The following CACNA1B variants were observed in gnomAD, a reference collection of about 807,000 sequenced individuals.
The protein encoded by CACNA1B is voltage-dependent N-type calcium channel subunit alpha-1B.
In CACNA1B, 70 loss-of-function variants were observed where a neutral mutation model predicts 247.2. The observed-to-expected ratio is 0.28, with a 90% confidence interval of 0.23 to 0.35. The LOEUF (loss-of-function observed/expected upper bound fraction) is 0.35. CACNA1B is among the 10% of genes least tolerant of loss of function. The pLI is 1.00. For missense variants in CACNA1B, 2,367 were observed against 3,197.4 expected, an observed-to-expected ratio of 0.74 and a Z score of 6.26; for synonymous variants, 1,231 against 1,294.4, an observed-to-expected ratio of 0.95 and a Z score of 1.05.
At chr9:137,991,997 A>T (rs1564225702) in intron 15 of CACNA1B, among the ~76,000 whole-genome samples, 1 of 152,220 alleles carries the variant, frequency 6.6e-6, no homozygotes, top group Non-Finnish European at 1.5e-5. Flanking sequence ...CTTAAGACAC[A>T]AATCCAACAG....
In CACNA1B at chr9:138,072,811, G is replaced by T. The variant is rs1048767020; in HGVS notation, c.4675-677G>T. 4.3e-4 allele frequency among the ~76,000 whole-genome samples: 66 copies of T among 152,226 alleles called. 5 individuals are homozygous for T. The highest frequency in any genetic ancestry group is 2.9e-5 in the Non-Finnish European group (2 of 68,036). Reference sequence around the variant, plus strand: ...TTGATTTTGAGCCCCTTGGATGAGGGAGCTCCACTAGACAGCCTGGGCTCT... The same window carrying T: ...TTGATTTTGAGCCCCTTGGATGAGGTAGCTCCACTAGACAGCCTGGGCTCT... On this transcript the variant is annotated intron_variant, in intron 32 of 46. Coordinates refer to ENST00000371372, the MANE Select transcript of CACNA1B (RefSeq NM_000718.4). This position sits in a 1 kb window ranked among gnomAD's most constrained non-coding sequence, Gnocchi z 4.5.
Position 137,973,985 on chromosome 9 carries a change from G to A in CACNA1B, c.1544-1922G>A, listed in dbSNP as rs1958187537. Among the ~76,000 whole-genome samples, 2 of 152,228 alleles carry A rather than the reference G, an allele frequency of 1.3e-5. No homozygotes were observed. Among genetic ancestry groups the A allele is most frequent in the African/African-American group, 2.4e-5 (1 of 41,452 alleles). On this transcript the variant is annotated intron_variant, in intron 11 of 46. Coordinates refer to ENST00000371372, the MANE Select transcript of CACNA1B (RefSeq NM_000718.4). The surrounding 1 kb of genome is among the most constrained non-coding windows in gnomAD (Gnocchi z 4.1). ...TCCCAGATCTAGGGTGTGGGTGCCA[G>A]CAGTCCCATCTCTGGGGCCTCTCCT...
intron 13 of CACNA1B, among the ~76,000 whole-genome samples, chr9:137,985,017 C>A (rs1040623178): frequency 1.8e-4 from 28 of 152,328 alleles, no homozygotes; most frequent in African/African-American, 6.3e-4. Flanking sequence ...CTGGACCCTA[C>A]CAGACACACA....
intron 44 of CACNA1B, 99 bp from the exon 45 acceptor site, chr9:138,120,066 G>A: frequency 1.0e-6 from 1 of 998,498 alleles, no homozygotes; most frequent in Admixed American, 2.3e-5. Context: ...GGGGGCGTGT[G>A]GGCCTGCTGT....
intron 2 of CACNA1B, among the ~76,000 whole-genome samples, chr9:137,879,442 A>G (rs571761591): frequency 2.6e-5 from 4 of 152,324 alleles, no homozygotes; most frequent in African/African-American, 9.6e-5. Context: ...TTTCGGCGCT[A>G]GACTTTGATC....
At chr9:137,956,924 C>A in intron 9 of CACNA1B, 97 bp downstream of exon 9, 2 of 986,794 alleles carry the variant, frequency 2.0e-6, no homozygotes, top group Non-Finnish European at 3.2e-6. Context: ...GCGAAGTGCT[C>A]TTGGCAGTGC....
At chr9:137,967,866 C>A (rs988946322) in intron 10 of CACNA1B, among the ~76,000 whole-genome samples, 9 of 152,210 alleles carry the variant, frequency 5.9e-5, no homozygotes, top group Non-Finnish European at 1.3e-4. Context: ...TGATCTCCTG[C>A]ATCTGGAGCC....
chr9:137,969,970 CAT>C (rs1482795537), intron 10 of CACNA1B, among the ~76,000 whole-genome samples: 5 of 152,040 alleles, frequency 3.3e-5, no homozygotes, highest in African/African-American at 9.7e-5. Context: ...CATGTACACA[CAT>C]GTGTACAAAC....
chr9:138,096,099 G>A (rs537410249), intron 36 of CACNA1B, among the ~76,000 whole-genome samples: 100 of 152,334 alleles, frequency 6.6e-4, no homozygotes, highest in African/African-American at 2.4e-3. Flanking sequence ...ATTGTATGTT[G>A]TGGGACTTTA....
At chr9:138,098,229 G>T (rs1026390757) in intron 37 of CACNA1B, among the ~76,000 whole-genome samples, 6 of 152,330 alleles carry the variant, frequency 3.9e-5, no homozygotes, top group African/African-American at 1.2e-4. Context: ...CTTACTTCAT[G>T]CTGGGAGGGA....
intron 45 of CACNA1B, 119 bp from the exon 46 acceptor site, chr9:138,120,512 G>A (rs1962048654): frequency 7.3e-7 from 1 of 1,379,254 alleles, no homozygotes; most frequent in Non-Finnish European, 9.6e-7. Flanking sequence ...CTGAGGCCCA[G>A]GCCCTAACCC....
At chr9:137,967,663 C>T (rs985663961) in intron 10 of CACNA1B, among the ~76,000 whole-genome samples, 4 of 152,130 alleles carry the variant, frequency 2.6e-5, no homozygotes, top group Non-Finnish European at 4.4e-5. Context: ...CACTGAGGAG[C>T]GAGATCCAGG....
rs368675773 is a variant in CACNA1B at position 137,950,268 on chromosome 9, T to G, written c.967-2006T>G. Among the ~76,000 whole-genome samples, 13 of 152,140 alleles carry G rather than the reference T, an allele frequency of 8.5e-5. No homozygotes were observed. The East Asian group carries it at 1.9e-3, about 23-fold the overall frequency. On this transcript the variant is annotated intron_variant, in intron 6 of 46. Transcript: ENST00000371372. This position sits in a 1 kb window ranked among gnomAD's most constrained non-coding sequence, Gnocchi z 4.8. ...TGTTCTCCACGTGATTTCTGCACAC[T>G]GTGTGTGGGTGGGCGGCTTTGTGAC...
intron 15 of CACNA1B, among the ~76,000 whole-genome samples, chr9:137,995,212 C>CAA (rs34306133): frequency 4.1e-4 from 48 of 115,690 alleles, no homozygotes; most frequent in African/African-American, 1.4e-3. Flanking sequence ...GACTCCGTCT[C>CAA]AAAAAAAAAA....
chr9:137,911,292 A>G (rs933310086), intron 3 of CACNA1B, among the ~76,000 whole-genome samples: 3 of 152,130 alleles, frequency 2.0e-5, no homozygotes, highest in Non-Finnish European at 2.9e-5. Flanking sequence ...TCCTCTTTCA[A>G]TAGTTGATCC....
chr9:137,897,794 C>T (rs999091995), intron 3 of CACNA1B, among the ~76,000 whole-genome samples: 5 of 151,910 alleles, frequency 3.3e-5, no homozygotes, highest in Non-Finnish European at 7.4e-5. Flanking sequence ...ATTCTCCTGC[C>T]TCAGCCTCCC....
At chr9:137,943,372 G>A (rs1176609805) in intron 6 of CACNA1B, among the ~76,000 whole-genome samples, 1 of 152,174 alleles carries the variant, frequency 6.6e-6, no homozygotes, top group Non-Finnish European at 1.5e-5. Context: ...AATGTAAATA[G>A]TATTTGATTC....
At chr9:138,017,855 A>G (rs575455366) in intron 18 of CACNA1B, among the ~76,000 whole-genome samples, 2 of 152,200 alleles carry the variant, frequency 1.3e-5, no homozygotes, top group Admixed American at 6.5e-5. Flanking sequence ...CTTCCCCTGG[A>G]GGGCAAGGCC....
At chr9:138,084,525 A>C (rs1960630439) in intron 36 of CACNA1B, among the ~76,000 whole-genome samples, 1 of 151,240 alleles carries the variant, frequency 6.6e-6, no homozygotes, top group Non-Finnish European at 1.5e-5. Flanking sequence ...AGACTATACC[A>C]CTGCACCTGG....
Sources: allele counts gnomAD v4.1 joint callset (sites outside exome capture counted in the v4.1 genomes callset), GRCh38; gene constraint gnomAD v4.1.1; non-coding constraint Gnocchi (gnomAD v3.1); transcripts MANE v1.5; gene names NCBI Gene and HGNC (gene_info 2026-07-23, HGNC 2026-07-21).